ADARB2: variants seen among roughly 807,000 people sequenced by gnomAD.
ADARB2 encodes the protein adenosine deaminase RNA specific B2 (inactive).
ADARB2 carries 25 observed loss-of-function variants against 62.2 expected under a neutral mutation model. That is an observed-to-expected ratio of 0.40 (90% confidence interval 0.29 to 0.56). The LOEUF (loss-of-function observed/expected upper bound fraction) is 0.56. Ranked by LOEUF, ADARB2 falls within the 20% of genes least tolerant of loss-of-function variation. ADARB2 has a pLI of 0.43. For missense variants in ADARB2, 1,071 were observed against 1,077.4 expected (o/e 0.99, Z 0.08); for synonymous variants, 572 against 500.8 (o/e 1.14, Z -1.90).
At chr10:1,624,952 T>G (rs574124142) in intron 1 of ADARB2, among the ~76,000 whole-genome samples, 71 of 152,298 alleles carry the variant, frequency 4.7e-4, no homozygotes, top group African/African-American at 1.7e-3. Flanking sequence ...TGAAAACCAC[T>G]TGTATATCTC....
intron 1 of ADARB2, among the ~76,000 whole-genome samples, chr10:1,632,563 C>T (rs972302472): frequency 2.0e-5 from 3 of 152,220 alleles, no homozygotes; most frequent in Non-Finnish European, 4.4e-5. Flanking sequence ...TGAGTTGTGG[C>T]CCTCACCCCA....
At chr10:1,367,182 G>A (rs552029822) in intron 2 of ADARB2, among the ~76,000 whole-genome samples, 7 of 152,324 alleles carry the variant, frequency 4.6e-5, no homozygotes, top group Admixed American at 1.3e-4. Context: ...CTCACGTTGC[G>A]CGCTGCCTGC....
intron 1 of ADARB2, among the ~76,000 whole-genome samples, chr10:1,627,538 G>A (rs923196552): frequency 6.6e-6 from 1 of 152,126 alleles, no homozygotes; most frequent in African/African-American, 2.4e-5. Flanking sequence ...ACCATAAGCT[G>A]TGAAAACTTC....
At chr10:1,546,822 T>C (rs1166530239) in intron 1 of ADARB2, among the ~76,000 whole-genome samples, 1 of 152,218 alleles carries the variant, frequency 6.6e-6, no homozygotes, top group Non-Finnish European at 1.5e-5. Flanking sequence ...AACGACTCCC[T>C]GCAAAGCCGG....
Position 1,177,676 on chromosome 10 carries a change from C to G in ADARB2, c.*5517G>C, listed in dbSNP as rs1441790389. 2 of 152,084 alleles carry G rather than the reference C, an allele frequency of 1.3e-5. No individual in the cohort carries two copies. Among genetic ancestry groups the G allele is most frequent in the Admixed American group, 6.5e-5 (1 of 15,274 alleles). The allele number at this position is 152,084 out of a possible 1,614,324, so 9.4% of individuals were successfully genotyped here. On this transcript the variant is annotated 3_prime_UTR_variant, in exon 10 of 10. Transcript: ENST00000381312. ...GAGGCACTGGGACCAGGTGATCTCG[C>G]CTTGGTGTTTAGGGAATGCTCATCC...
chr10:1,434,122 G>GC lies in ADARB2; in HGVS notation c.101-54963_101-54962insG, dbSNP rs1830807115. 5.3e-5 allele frequency among the ~76,000 whole-genome samples: 8 copies of GC among 152,310 alleles called. No individual in the cohort carries two copies. In the East Asian group the frequency reaches 1.5e-3, roughly 29 times the overall value. On this transcript the variant is annotated intron_variant, in intron 1 of 9. Coordinates refer to ENST00000381312, the MANE Select transcript of ADARB2 (RefSeq NM_018702.4). ...GTTTGAGTTTCAGGTGAAGCTATTA[G>GC]ATTCCGAGAAGGCTGATAACGAGAG...
In ADARB2 at chr10:1,607,075, G is replaced by A. The variant is rs1020158000; in HGVS notation, c.100+129976C>T. Among the ~76,000 whole-genome samples the A allele has an allele frequency of 7.9e-5, 12 of 152,316 alleles. No homozygotes were observed. In the South Asian group the frequency reaches 1.0e-3, roughly 13 times the overall value. On this transcript the variant is annotated intron_variant, in intron 1 of 9. Coordinates refer to ENST00000381312, the MANE Select transcript of ADARB2 (RefSeq NM_018702.4). ...AATCTGGACAGGTAACAATATACACGTTTTGAAATGTCTATAATTCAACAA... is the reference window on the plus strand; with the variant it reads ...AATCTGGACAGGTAACAATATACACATTTTGAAATGTCTATAATTCAACAA...
chr10:1,608,935 A>G (rs1363328713), intron 1 of ADARB2, among the ~76,000 whole-genome samples: 4 of 152,054 alleles, frequency 2.6e-5, no homozygotes, highest in Non-Finnish European at 4.4e-5. Flanking sequence ...GCCATGCCCT[A>G]TTGTGCGTCC....
At chr10:1,312,936 G>A (rs1487898230) in intron 3 of ADARB2, among the ~76,000 whole-genome samples, 1 of 152,210 alleles carries the variant, frequency 6.6e-6, no homozygotes, top group Admixed American at 6.5e-5. Flanking sequence ...GTGGGGGATG[G>A]AGTGGACACA....
At chr10:1,240,696 G>A (rs534653624) in intron 5 of ADARB2, among the ~76,000 whole-genome samples, 19 of 152,270 alleles carry the variant, frequency 1.2e-4, no homozygotes, top group Middle Eastern at 3.4e-3. Context: ...GGCAGGCGTC[G>A]GGTGCACCTG....
rs560942398 is a variant in ADARB2 at position 1,490,732 on chromosome 10, C to T, written c.101-111572G>A. Among the ~76,000 whole-genome samples, 43 of 152,206 alleles carry T rather than the reference C, an allele frequency of 2.8e-4. 1 individual carries two copies. In the South Asian group the frequency reaches 3.1e-3, roughly 11 times the overall value. ...GGCTTCCCAAAGTGCTGGAATCACC[C>T]GCCTGAGCCAAGACAGCCAGCCTGC... On this transcript the variant is annotated intron_variant, in intron 1 of 9. Coordinates refer to ENST00000381312, the MANE Select transcript of ADARB2 (RefSeq NM_018702.4).
intron 1 of ADARB2, among the ~76,000 whole-genome samples, chr10:1,456,079 C>A (rs1391877336): frequency 6.6e-6 from 1 of 152,142 alleles, no homozygotes; most frequent in Non-Finnish European, 1.5e-5. Context: ...ATTAACTAAG[C>A]TAAACTCAAT....
chr10:1,547,169 G>T (rs187554800), intron 1 of ADARB2, among the ~76,000 whole-genome samples: 1 of 152,352 alleles, frequency 6.6e-6, no homozygotes, highest in Non-Finnish European at 1.5e-5. Context: ...TGGGGAAACT[G>T]GGAGAGATGC....
rs79439589 is a variant in ADARB2 at position 1,433,986 on chromosome 10, T to C, written c.101-54826A>G. Among the ~76,000 whole-genome samples, 411 of 152,318 alleles carry C rather than the reference T, an allele frequency of 2.7e-3. 1 individual carries two copies. The highest frequency in any genetic ancestry group is 8.8e-3 in the African/African-American group (364 of 41,558). On this transcript the variant is annotated intron_variant, in intron 1 of 9. Transcript: ENST00000381312. ...ATTATGGTATCATTTGACAAGTTGG[T>C]GCATATTGAACACATACTATAGAAC...
At chr10:1,186,208 C>T (rs1009722167) in intron 8 of ADARB2, among the ~76,000 whole-genome samples, 7 of 152,260 alleles carry the variant, frequency 4.6e-5, no homozygotes, top group African/African-American at 1.2e-4. Context: ...CCAGAGGCAG[C>T]GTCCTGGGGA....
At chr10:1,516,228 T>A (rs1191191562) in intron 1 of ADARB2, among the ~76,000 whole-genome samples, 1 of 152,076 alleles carries the variant, frequency 6.6e-6, no homozygotes, top group African/African-American at 2.4e-5. Context: ...CCCTTACCCT[T>A]ACCCCAAATA....
At chr10:1,350,129 C>T (rs192600502) in intron 3 of ADARB2, among the ~76,000 whole-genome samples, 1 of 152,286 alleles carries the variant, frequency 6.6e-6, no homozygotes, top group African/African-American at 2.4e-5. Flanking sequence ...TTGACAATGG[C>T]TCTAAATGAC....
At chr10:1,593,795 C>G (rs192395185) in intron 1 of ADARB2, among the ~76,000 whole-genome samples, 12 of 152,168 alleles carry the variant, frequency 7.9e-5, no homozygotes, top group Admixed American at 4.6e-4. Context: ...CCTTCTCTCT[C>G]TTTTTTCCTA....
intron 3 of ADARB2, among the ~76,000 whole-genome samples, chr10:1,344,320 G>A (rs1007962386): frequency 2.0e-5 from 3 of 152,234 alleles, no homozygotes; most frequent in African/African-American, 7.2e-5. Flanking sequence ...TGGAGCCTGC[G>A]TGGCCGTCGC....
Sources: gnomAD v4.1 joint callset for allele counts (sites outside exome capture counted in the v4.1 genomes callset) on GRCh38, gnomAD v4.1.1 for gene constraint, MANE v1.5 for transcripts, NCBI Gene and HGNC (gene_info 2026-07-23, HGNC 2026-07-21) for gene names.